Variants in ROBO2 observed in about 807,000 individuals in gnomAD.
The protein encoded by ROBO2 is roundabout homolog 2.
In ROBO2, 53 loss-of-function variants were observed where a neutral mutation model predicts 160.8. That is an observed-to-expected ratio of 0.33 (90% confidence interval 0.26 to 0.41). The LOEUF (loss-of-function observed/expected upper bound fraction) is 0.41. Ranked by LOEUF, ROBO2 falls within the 10% of genes least tolerant of loss-of-function variation. The pLI, the probability that ROBO2 is intolerant of heterozygous loss-of-function variation, is 1.00. For synonymous variants in ROBO2, 664 were observed against 611.7 expected, an observed-to-expected ratio of 1.09 and a Z score of -1.26; for missense variants, 1,577 against 1,722.4, an observed-to-expected ratio of 0.92 and a Z score of 1.49.
intron 2 of ROBO2, among the ~76,000 whole-genome samples, chr3:77,210,399 G>T (rs1048600508): frequency 4.0e-5 from 6 of 151,736 alleles, no homozygotes; most frequent in Admixed American, 6.6e-5. Context: ...AGGTTAAAAA[G>T]AATTTTATGA....
chr3:77,352,755 G>T (rs2153459743), intron 2 of ROBO2, among the ~76,000 whole-genome samples: 1 of 152,286 alleles, frequency 6.6e-6, no homozygotes, highest in East Asian at 1.9e-4. Context: ...AAAGTCACCA[G>T]TGGGAATGAA....
At chr3:77,360,496 AC>A (rs1393104738) in intron 2 of ROBO2, among the ~76,000 whole-genome samples, 1 of 152,084 alleles carries the variant, frequency 6.6e-6, no homozygotes, top group Non-Finnish European at 1.5e-5. Context: ...TATAACTGTC[AC>A]CTTGGGCTTA....
At chr3:75,921,625 C>A (rs1947060182) in intron 1 of ROBO2, among the ~76,000 whole-genome samples, 1 of 152,002 alleles carries the variant, frequency 6.6e-6, no homozygotes, top group South Asian at 2.1e-4. Flanking sequence ...TTTGTCTCTG[C>A]AAAGGGTGTG....
chr3:76,694,733 C>G (rs1230459928), intron 2 of ROBO2, among the ~76,000 whole-genome samples: 1 of 152,048 alleles, frequency 6.6e-6, no homozygotes, highest in Non-Finnish European at 1.5e-5. Flanking sequence ...GGAAATCACC[C>G]TTTTATGAAG....
At chr3:76,898,099 T>A (rs1292556839) in intron 2 of ROBO2, among the ~76,000 whole-genome samples, 1 of 152,128 alleles carries the variant, frequency 6.6e-6, no homozygotes, top group Non-Finnish European at 1.5e-5. Flanking sequence ...CTCCACAGAA[T>A]TGACAATAGC....
At chr3:76,396,302 A>T (rs2077444161) in intron 2 of ROBO2, among the ~76,000 whole-genome samples, 1 of 152,180 alleles carries the variant, frequency 6.6e-6, no homozygotes, top group Non-Finnish European at 1.5e-5. Context: ...TCAATAAATT[A>T]GGTATTGATG....
At chr3:76,507,696 A>G (rs1247517669) in intron 2 of ROBO2, among the ~76,000 whole-genome samples, 1 of 152,062 alleles carries the variant, frequency 6.6e-6, no homozygotes, top group African/African-American at 2.4e-5. Flanking sequence ...GTCATTACCC[A>G]TATTTCACAA....
chr3:77,044,441 A>G (rs1362369402), intron 1 of ROBO2, among the ~76,000 whole-genome samples: 3 of 152,068 alleles, frequency 2.0e-5, no homozygotes, highest in Non-Finnish European at 4.4e-5. Context: ...AAAGATTATC[A>G]TCTTATTTAC....
chr3:77,561,478 G>T (rs2093320962), intron 9 of ROBO2, among the ~76,000 whole-genome samples: 1 of 151,994 alleles, frequency 6.6e-6, no homozygotes, highest in Non-Finnish European at 1.5e-5. Context: ...TGATCTTGGG[G>T]CTTTATTCAA....
intron 2 of ROBO2, among the ~76,000 whole-genome samples, chr3:76,237,978 T>A (rs189701125): frequency 6.6e-5 from 10 of 152,292 alleles, no homozygotes; most frequent in African/African-American, 2.4e-4. Flanking sequence ...ATGTGGAGAC[T>A]TGGGGTCTGA....
intron 7 of ROBO2, 91 bp from the exon 9 acceptor site, chr3:77,550,727 C>T: frequency 7.6e-7 from 1 of 1,311,310 alleles, no homozygotes; most frequent in Non-Finnish European, 1.1e-6. Context: ...TTTTCTTTTT[C>T]CCACTGTATT....
intron 2 of ROBO2, among the ~76,000 whole-genome samples, chr3:77,420,090 C>T (rs1202010803): frequency 6.6e-6 from 1 of 151,792 alleles, no homozygotes; most frequent in Non-Finnish European, 1.5e-5. Context: ...TTCCCCCCAA[C>T]ATTAAAAAAA....
chr3:77,101,938 G>A (rs1379909127), intron 2 of ROBO2, among the ~76,000 whole-genome samples: 4 of 152,158 alleles, frequency 2.6e-5, no homozygotes, highest in Non-Finnish European at 5.9e-5. Context: ...TACTCAGGAG[G>A]CTGAGGCAGG....
At chr3:76,363,670 C>T (rs941418795) in intron 2 of ROBO2, among the ~76,000 whole-genome samples, 1 of 151,974 alleles carries the variant, frequency 6.6e-6, no homozygotes, top group African/African-American at 2.4e-5. Flanking sequence ...ATCAATTAAT[C>T]TTAACTGTAC....
intron 5 of ROBO2, among the ~76,000 whole-genome samples, chr3:77,509,153 G>A (rs919940912): frequency 1.3e-5 from 2 of 152,080 alleles, no homozygotes; most frequent in South Asian, 2.1e-4. Flanking sequence ...CAGGAGAATA[G>A]GAAAGAGTCG....
At chr3:76,770,692 ACATATG>A (rs148612683) in intron 2 of ROBO2, among the ~76,000 whole-genome samples, 2,931 of 151,488 alleles carry the variant, frequency 0.019, 90 homozygotes, top group African/African-American at 0.066. Flanking sequence ...GAACTTAAAA[ACATATG>A]CATATTTAAA....
chr3:76,987,322 T>C (rs565119006), intron 2 of ROBO2, among the ~76,000 whole-genome samples: 1 of 152,216 alleles, frequency 6.6e-6, no homozygotes, highest in Non-Finnish European at 1.5e-5. Context: ...GCACTGTTCA[T>C]TTTGTTTCAG....
At chr3:76,560,002 A>G (rs946385619) in intron 2 of ROBO2, among the ~76,000 whole-genome samples, 3 of 152,124 alleles carry the variant, frequency 2.0e-5, no homozygotes, top group African/African-American at 7.2e-5. Context: ...GAGCAATGCA[A>G]TGCAGTCCAT....
intron 2 of ROBO2, among the ~76,000 whole-genome samples, chr3:77,307,245 A>G (rs2063172981): frequency 6.6e-6 from 1 of 152,214 alleles, no homozygotes; most frequent in Non-Finnish European, 1.5e-5. Flanking sequence ...GTTGTCTCTG[A>G]CCAAAAAGAA....
Sources: allele counts gnomAD v4.1 joint callset (sites outside exome capture counted in the v4.1 genomes callset), GRCh38; gene constraint gnomAD v4.1.1; transcripts MANE v1.5; gene names NCBI Gene and HGNC (gene_info 2026-07-23, HGNC 2026-07-21).